PPP2R1B: variants seen among roughly 807,000 people sequenced by gnomAD.
PPP2R1B encodes serine/threonine-protein phosphatase 2A 65 kDa regulatory subunit A beta isoform.
In PPP2R1B, 58 loss-of-function variants were observed where a neutral mutation model predicts 72.7. The ratio of observed to expected loss-of-function variants is 0.80; its 90% confidence interval spans 0.65 to 0.99. PPP2R1B has a LOEUF of 0.99. Ranked by LOEUF, PPP2R1B falls within the 50% of genes least tolerant of loss-of-function variation. The pLI is 0.00. For missense variants in PPP2R1B, 695 were observed against 733.6 expected, an observed-to-expected ratio of 0.95 and a Z score of 0.61; for synonymous variants, 256 against 264.6, an observed-to-expected ratio of 0.97 and a Z score of 0.32.
chr11:111,742,365 G>T, intron 13 of PPP2R1B, 158 bp downstream of exon 13: 1 of 852,352 alleles, frequency 1.2e-6, no homozygotes, highest in Non-Finnish European at 1.7e-6. Context: ...AAGTCATAGT[G>T]GACATCCTCA....
chr11:111,718,478 TC>T, the PPP2R1B span, among the ~76,000 whole-genome samples: 4 of 152,212 alleles, frequency 2.6e-5, no homozygotes, highest in Non-Finnish European at 4.4e-5. Context: ...AAATGACCGC[TC>T]ATCGCTTTAA....
At chr11:111,759,656 T>C in intron 5 of PPP2R1B, 148 bp downstream of exon 5, 2 of 778,362 alleles carry the variant, frequency 2.6e-6, no homozygotes, top group African/African-American at 1.8e-5. Context: ...AACATTGAGA[T>C]AAGCATGTTA....
At chr11:111,720,391 C>T in the PPP2R1B span, 1 of 1,359,712 alleles carries the variant, frequency 7.4e-7, no homozygotes, top group Non-Finnish European at 1.0e-6. Context: ...TGGTAGCTGT[C>T]AAAACTCAAG....
intron 11 of PPP2R1B, among the ~76,000 whole-genome samples, chr11:111,746,545 G>T (rs910858156): frequency 2.6e-5 from 4 of 152,036 alleles, no homozygotes; most frequent in African/African-American, 9.7e-5. Context: ...AAACCTAGAC[G>T]ACAGGTTGAT....
chr11:111,736,985 A>G (rs1944357937), downstream of PPP2R1B, among the ~76,000 whole-genome samples: 1 of 152,224 alleles, frequency 6.6e-6, no homozygotes, highest in Admixed American at 6.5e-5. Context: ...ACAGAGTGGC[A>G]TCCAATGGGG....
At chr11:111,743,295 G>T in intron 12 of PPP2R1B, 81 bp downstream of exon 12, 1 of 1,341,478 alleles carries the variant, frequency 7.5e-7, no homozygotes, top group Non-Finnish European at 1.0e-6. Context: ...ATAGAAGACA[G>T]TATACTGATA....
chr11:111,697,422 G>A, the PPP2R1B span, among the ~76,000 whole-genome samples: 2 of 152,180 alleles, frequency 1.3e-5, no homozygotes, highest in African/African-American at 4.8e-5. Flanking sequence ...AGTCTGATGG[G>A]ATAGACAGAT....
chr11:111,729,379 A>G (rs925743880), intron 15 of PPP2R1B: 2 of 152,226 alleles, frequency 1.3e-5, no homozygotes, highest in African/African-American at 4.8e-5. Flanking sequence ...GCAATAGCTT[A>G]TATTTGTACA....
chr11:111,712,182 C>T, the PPP2R1B span: 1 of 1,605,578 alleles, frequency 6.2e-7, no homozygotes, highest in Non-Finnish European at 8.5e-7. Context: ...TTCATGTTCC[C>T]AAACTGTCTG....
chr11:111,753,033 A>C (rs1944969070), intron 9 of PPP2R1B, among the ~76,000 whole-genome samples: 1 of 152,246 alleles, frequency 6.6e-6, no homozygotes. Flanking sequence ...GATTGTTGTG[A>C]GAATTGCATG....
At chr11:111,737,360 A>C (rs1944368253), downstream of PPP2R1B, 22 of 1,589,892 alleles carry the variant, frequency 1.4e-5, no homozygotes, top group Non-Finnish European at 1.9e-5. Context: ...TTCTCCGCCT[A>C]CCCTGTGGCA....
At chr11:111,765,748 G>A (rs111926509) in intron 1 of PPP2R1B, 1 of 480,848 alleles carries the variant, frequency 2.1e-6, no homozygotes. Flanking sequence ...CCCACAGAGC[G>A]GATACACTAC....
At chr11:111,722,354 G>A (rs1943827485), downstream of PPP2R1B, among the ~76,000 whole-genome samples, 1 of 152,240 alleles carries the variant, frequency 6.6e-6, no homozygotes, top group South Asian at 2.1e-4. The surrounding 1 kb of genome is among the most constrained non-coding windows in gnomAD (Gnocchi z 4.4). Context: ...CATTCATTCA[G>A]CGGGTGCTGG....
At chr11:111,729,945 C>G (rs1944128195) in intron 15 of PPP2R1B, 1 of 152,334 alleles carries the variant, frequency 6.6e-6, no homozygotes, top group African/African-American at 2.4e-5. Flanking sequence ...CAGAACACCC[C>G]CTTCCTCAAT....
chr11:111,754,745 C>G (rs1048140096), intron 7 of PPP2R1B, among the ~76,000 whole-genome samples, 176 bp from the exon 8 acceptor site: 1 of 152,104 alleles, frequency 6.6e-6, no homozygotes, highest in Non-Finnish European at 1.5e-5. Context: ...CATTGCATAT[C>G]ACACCAATCC....
At chr11:111,714,588 T>C in the PPP2R1B span, among the ~76,000 whole-genome samples, 15 of 152,212 alleles carry the variant, frequency 9.9e-5, no homozygotes, top group Middle Eastern at 0.01. Context: ...GCAGATAAAA[T>C]TGATAGACTA....
chr11:111,759,461 A>G (rs1194114717), intron 5 of PPP2R1B, among the ~76,000 whole-genome samples: 1 of 152,186 alleles, frequency 6.6e-6, no homozygotes, highest in Admixed American at 6.5e-5. Flanking sequence ...AAAAGTCAAA[A>G]ATTCCAGGAA....
chr11:111,714,446 A>G, the PPP2R1B span, among the ~76,000 whole-genome samples: 162 of 152,358 alleles, frequency 1.1e-3, 3 homozygotes, highest in East Asian at 0.024. Flanking sequence ...TGCACATCAG[A>G]AAGTTAGCCT....
In PPP2R1B at chr11:111,754,351, C is replaced by T. The variant is rs985300791; in HGVS notation, c.1029+148G>A. 9.9e-6 allele frequency: 11 copies of T among 1,111,596 alleles called. No individual in the cohort carries two copies. The Admixed American group carries it at 1.7e-4, about 17-fold the overall frequency. The allele number at this position is 1,111,596 out of a possible 1,614,324, so 68.9% of individuals were successfully genotyped here. ...CAATGGGCTAATAAGTGATGAATAA[C>T]AATGTTGCACATTAACACATCTTCC... On this transcript the variant is annotated intron_variant, in intron 8 of 14. Transcript: ENST00000527614.
Sources: allele counts gnomAD v4.1 joint callset (sites outside exome capture counted in the v4.1 genomes callset), GRCh38; gene constraint gnomAD v4.1.1; non-coding constraint Gnocchi (gnomAD v3.1); transcripts MANE v1.5; gene names NCBI Gene and HGNC (gene_info 2026-07-23, HGNC 2026-07-21).